The following COL5A3 variants were observed in gnomAD, a reference collection of about 807,000 sequenced individuals.
COL5A3 encodes the protein collagen type V alpha 3 chain, also known as collagen alpha-3(V) chain.
In COL5A3, 172 loss-of-function variants were observed where a neutral mutation model predicts 250.0. The observed-to-expected ratio is 0.69, with a 90% CI of 0.61 to 0.78. The LOEUF (loss-of-function observed/expected upper bound fraction) is 0.78, where lower values mean the gene tolerates loss of function less well. Among genes scored for constraint, COL5A3 ranks in the 30% least tolerant of loss-of-function variants. COL5A3 has a pLI of 0.00. For missense variants in COL5A3, 2,340 were observed against 2,334.4 expected (o/e 1.00, Z -0.05); for synonymous variants, 937 against 900.4 (o/e 1.04, Z -0.73).
Position 9,966,605 on chromosome 19 carries a change from G to A in COL5A3, c.4600C>T (p.Pro1534Ser). The A allele has an allele frequency of 6.5e-7, 1 of 1,540,118 alleles. No homozygotes were observed. The highest frequency in any genetic ancestry group is 2.4e-5 in the East Asian group (1 of 40,970). ...SLELEQLRRP[P>S]GTAERPGLVC... is the part of the protein sequence containing the mutation. ...AGGCCCGGGCGCTCCGCAGTGCCGGGAGGACGCCGCAGCTGCTCCAGCTCC... is the reference window on the plus strand; with the variant it reads ...AGGCCCGGGCGCTCCGCAGTGCCGGAAGGACGCCGCAGCTGCTCCAGCTCC... The change falls in exon 63 of 67, where the codon CCC (proline) becomes TCC (serine). Residue 1534 changes from proline (P) to serine (S), a missense_variant. Pro to Ser is a moderately conservative substitution (Grantham distance 74). Coordinates refer to ENST00000264828, the MANE Select transcript of COL5A3 (RefSeq NM_015719.4).
chr19:9,961,721 G>T (rs937858240), intron 65 of COL5A3, among the ~76,000 whole-genome samples: 2 of 151,994 alleles, frequency 1.3e-5, no homozygotes, highest in Non-Finnish European at 2.9e-5. Flanking sequence ...ACCACGCCCG[G>T]CTAATTTTTT....
intron 1 of COL5A3, among the ~76,000 whole-genome samples, chr19:10,007,689 G>A (rs566536561): frequency 1.4e-4 from 22 of 152,306 alleles, no homozygotes; most frequent in African/African-American, 5.1e-4. Context: ...TCACCACGGG[G>A]AGCTGGGGCG....
chr19:9,966,200 G>A, intron 64 of COL5A3, 114 bp downstream of exon 64: 1 of 806,436 alleles, frequency 1.2e-6, no homozygotes, highest in African/African-American at 1.7e-5. Context: ...TACAGTAAGT[G>A]CTCAATAAAT....
At chr19:9,967,485 A>ACACACACACTCACACACACACAGT (rs1568404528) in intron 61 of COL5A3, 85 bp from the exon 62 acceptor site, 1 of 890,164 alleles carries the variant, frequency 1.1e-6, no homozygotes, top group African/African-American at 1.8e-5. Context: ...ACACACACTC[A>ACACACACACTCACACACACACAGT]CACACACACT....
At chr19:9,978,448 T>C (rs1265163604) in intron 41 of COL5A3, 126 bp downstream of exon 41, 5 of 685,602 alleles carry the variant, frequency 7.3e-6, no homozygotes, top group Non-Finnish European at 1.3e-5. Context: ...GATCTTGAAC[T>C]CCTGACCTCA....
intron 41 of COL5A3, 113 bp from the exon 42 acceptor site, chr19:9,977,814 G>A (rs1243144206): frequency 1.2e-6 from 1 of 803,934 alleles, no homozygotes; most frequent in East Asian, 3.1e-5. Context: ...TATCTAACCT[G>A]TTCCCCTCCT....
intron 8 of COL5A3, among the ~76,000 whole-genome samples, chr19:9,999,006 TTTTCTTTC>T (rs371671435): frequency 7.7e-6 from 1 of 129,124 alleles, no homozygotes; most frequent in Non-Finnish European, 1.8e-5. Flanking sequence ...CCTTTCTTTC[TTTTCTTTC>T]TTTCTTTCTT....
intron 1 of COL5A3, among the ~76,000 whole-genome samples, chr19:10,007,822 G>T (rs1163480626): frequency 1.3e-5 from 2 of 152,010 alleles, no homozygotes; most frequent in East Asian, 1.9e-4. Flanking sequence ...GTTTCCTCTT[G>T]CCTCCAATCT....
intron 21 of COL5A3, 24 bp downstream of exon 21, chr19:9,992,803 A>G (rs1273460302): frequency 6.2e-7 from 1 of 1,612,114 alleles, no homozygotes; most frequent in South Asian, 1.1e-5. Context: ...ACAGACAGGG[A>G]TGCAGAGAGC....
At position 9,995,595 on chromosome 19, in the gene COL5A3, G is replaced by A. The variant is rs1332830784; in HGVS notation, c.1556C>T (p.Pro519Leu). The part of the protein sequence containing the change: ...GPQGPRGLQG[P>L]HGPPGRVGKM... Reference sequence around the variant, plus strand: ...GCCCACTCGGCCAGGGGGTCCATGAGGTCCCTGCAGGCCTCGGGGACCCTA... The same window carrying A: ...GCCCACTCGGCCAGGGGGTCCATGAAGTCCCTGCAGGCCTCGGGGACCCTA... Residue 519 changes from proline (P) to leucine (L), a missense_variant, in exon 16 of 67, where the codon CCT (proline) becomes CTT (leucine). Pro to Leu is a moderately conservative substitution (Grantham distance 98, BLOSUM62 -3). This residue lies in a region of COL5A3 where 1,152 missense variants were observed against 1,146.3 expected (regional missense o/e 1.00). Coordinates refer to ENST00000264828, the MANE Select transcript of COL5A3 (RefSeq NM_015719.4). 3.1e-6 allele frequency: 5 copies of A among 1,605,560 alleles called. No homozygotes were observed. The highest frequency in any genetic ancestry group is 4.3e-6 in the Non-Finnish European group (5 of 1,175,658).
chr19:9,960,536 T>A lies in COL5A3; in HGVS notation c.5113A>T (p.Thr1705Ser). The change falls in exon 67 of 67, where the codon ACC (threonine) becomes TCC (serine). Residue 1705 changes from threonine to serine, a missense_variant. Physicochemically the swap from Thr to Ser is moderately conservative, Grantham distance 58. Coordinates refer to ENST00000264828, the MANE Select transcript of COL5A3 (RefSeq NM_015719.4). ...GCRLRKGQTK[T>S]LFEFSSSRAG... is the part of the protein sequence containing the mutation. ...CGAGAAGAGCTGAATTCGAAAAGGG[T>A]CTTCGTCTGTCCTTTCCGGAGCTGT... The A allele has an allele frequency of 6.2e-7, 1 of 1,613,966 alleles. No individual in the cohort carries two copies. The highest frequency in any genetic ancestry group is 8.5e-7 in the Non-Finnish European group (1 of 1,179,988).
At position 9,991,988 on chromosome 19, in the gene COL5A3, G is replaced by A. The variant is rs1328165121; in HGVS notation, c.1893+16C>T. 1.2e-6 allele frequency: 2 copies of A among 1,609,734 alleles called. No homozygotes were observed. The highest frequency in any genetic ancestry group is 4.5e-5 in the East Asian group (2 of 44,860). ...GTGTCAGAAGGGTCAGAGGTCAAAG[G>A]GCACAGGGCACATACCACATTGCCT... On this transcript the variant is annotated intron_variant, in intron 22 of 66. Transcript: ENST00000264828.
At chr19:9,997,632 C>T (rs2087292097) in intron 10 of COL5A3, among the ~76,000 whole-genome samples, 199 bp from the exon 11 acceptor site, 1 of 152,066 alleles carries the variant, frequency 6.6e-6, no homozygotes, top group Admixed American at 6.6e-5. Flanking sequence ...GAGACGGTCT[C>T]ACTCTGTCAC....
Position 9,968,711 on chromosome 19 carries a change from TG to T in COL5A3, c.4169del (p.Pro1390GlnfsTer3). ...PPGPLGPSGL[P>X]GLKGDTGPKG... Reference sequence around the variant, plus strand: ...TGGGGCCAGTGTCTCCCTTCAGCCCTGGGAGGCCAGAGGGCCCCTGGGAGAA... The same window carrying T: ...TGGGGCCAGTGTCTCCCTTCAGCCCTGGAGGCCAGAGGGCCCCTGGGAGAA... On this transcript the variant is annotated frameshift_variant, in exon 58 of 67. Transcript: ENST00000264828. LOFTEE classifies it high-confidence loss of function. This position sits in a 1 kb window ranked among gnomAD's most constrained non-coding sequence, Gnocchi z 4.1. The T allele has an allele frequency of 6.2e-7, 1 of 1,605,846 alleles. No homozygotes were observed. The highest frequency in any genetic ancestry group is 8.5e-7 in the Non-Finnish European group (1 of 1,177,476).
intron 64 of COL5A3, among the ~76,000 whole-genome samples, chr19:9,963,652 G>C (rs62104311): frequency 0.11 from 17,286 of 151,156 alleles, 1,122 homozygotes; most frequent in South Asian, 0.27. Flanking sequence ...CTCAGCCTCA[G>C]CCTCCCAAAG....
In COL5A3 at chr19:9,968,556, A is replaced by G; in HGVS notation, c.4207-64T>C. On this transcript the variant is annotated intron_variant, in intron 58 of 66. Coordinates refer to ENST00000264828, the MANE Select transcript of COL5A3 (RefSeq NM_015719.4). The surrounding 1 kb of genome is among the most constrained non-coding windows in gnomAD (Gnocchi z 4.1). The stretch of plus-strand genomic sequence containing the variant: ...GAGGATTCAGGGAGGTTTTTCTCCT[A>G]GAGCCTTAGGGTGATGAGTTTGGGA... 1.3e-6 allele frequency: 2 copies of G among 1,568,874 alleles called. No individual in the cohort carries two copies. The highest frequency in any genetic ancestry group is 1.7e-6 in the Non-Finnish European group (2 of 1,154,696).
intron 51 of COL5A3, among the ~76,000 whole-genome samples, chr19:9,972,348 T>C (rs1013618576): frequency 2.0e-5 from 3 of 152,052 alleles, no homozygotes; most frequent in Non-Finnish European, 4.4e-5. Context: ...CATTCACTCA[T>C]TTATTCATCC....
rs745516735 is a variant in COL5A3, at chr19:10,001,661, C to T, written c.973G>A (p.Asp325Asn). 5.0e-5 allele frequency: 80 copies of T among 1,613,854 alleles called. No individual in the cohort carries two copies. Among genetic ancestry groups the T allele is most frequent in the Non-Finnish European group, 6.6e-5 (78 of 1,179,980 alleles). ...LNATILERSL[D>N]PDSGTELGTL... ...CCCAGCTCGGTTCCACTGTCAGGGT[C>T]CAAGCTCCTCTGAGAACGTTAGGAA... is the stretch of plus-strand genomic sequence containing the variant. Residue 325 changes from aspartate (D) to asparagine (N), a missense_variant, in exon 8 of 67, where the codon GAC becomes AAC. Coordinates refer to ENST00000264828, the MANE Select transcript of COL5A3 (RefSeq NM_015719.4).
chr19:9,968,257 C>A lies in COL5A3; in HGVS notation c.4314+128G>T. On this transcript the variant is annotated intron_variant, in intron 59 of 66. Coordinates refer to ENST00000264828, the MANE Select transcript of COL5A3 (RefSeq NM_015719.4). This position sits in a 1 kb window ranked among gnomAD's most constrained non-coding sequence, Gnocchi z 4.1. ...CCTCCAACTTGCCAGTTCCCAGATA[C>A]ATCCCCCTATTTTCCCCACACACAC... 1.0e-6 allele frequency: 1 copy of A among 996,296 alleles called. No homozygotes were observed. 61.7% of individuals were successfully genotyped at this position (996,296 alleles called of 1,614,324 possible). A position where few individuals can be genotyped will look rare whatever the true frequency, so the allele number is the denominator to read the frequency against.
Sources: gnomAD v4.1 joint callset for allele counts (sites outside exome capture counted in the v4.1 genomes callset) on GRCh38, gnomAD v4.1.1 for gene constraint, gnomAD v4.1.1 regional missense constraint, Gnocchi (gnomAD v3.1) non-coding constraint, MANE v1.5 for transcripts, NCBI Gene and HGNC (gene_info 2026-07-23, HGNC 2026-07-21) for gene names.